TMEM132D: variants seen among roughly 807,000 people sequenced by gnomAD.
The protein encoded by TMEM132D is mature OL transmembrane protein.
A neutral mutation model predicts 62.3 loss-of-function variants in TMEM132D; 21 were observed. That is an observed-to-expected ratio of 0.34 (90% confidence interval 0.24 to 0.49). The LOEUF (loss-of-function observed/expected upper bound fraction) is 0.49, where lower values mean the gene tolerates loss of function less well. Among genes scored for constraint, TMEM132D ranks in the 20% least tolerant of loss-of-function variants. The probability of loss-of-function intolerance (pLI) is 0.99; values close to 1 mark genes in which losing one functional copy is unlikely to be tolerated. For missense variants in TMEM132D, 1,346 were observed against 1,402.8 expected (o/e 0.96, Z 0.65); for synonymous variants, 621 against 575.6 (o/e 1.08, Z -1.13).
At chr12:129,650,082 G>T (rs922372419) in intron 2 of TMEM132D, among the ~76,000 whole-genome samples, 4 of 152,000 alleles carry the variant, frequency 2.6e-5, no homozygotes, top group African/African-American at 9.7e-5. Context: ...CTCTCTGCCC[G>T]CTCTAAGGTA....
In TMEM132D at chr12:129,699,923, A is replaced by C. The variant is rs2137225466; in HGVS notation, c.855T>G (p.Arg285=). The C allele has an allele frequency of 6.2e-7, 1 of 1,614,130 alleles. No homozygotes were observed. Among genetic ancestry groups the C allele is most frequent in the Non-Finnish European group, 8.5e-7 (1 of 1,180,014 alleles). ...AGTGGATGGCCACGCTGTTGTCCAG[A>C]CGCAGTTCTCTCAGGGAGGGTTTCC... ...THRKPSLREL[R]LDNSVAIHYI... is the part of the protein sequence containing the mutation. Residue 285 remains arginine, a synonymous_variant, in exon 2 of 9, where the codon CGT becomes CGG. Coordinates refer to ENST00000422113, the MANE Select transcript of TMEM132D (RefSeq NM_133448.3).
At chr12:129,635,084 A>G (rs1164256822) in intron 2 of TMEM132D, among the ~76,000 whole-genome samples, 1 of 152,246 alleles carries the variant, frequency 6.6e-6, no homozygotes, top group Non-Finnish European at 1.5e-5. Flanking sequence ...TCTACATAAT[A>G]AACATGATCA....
chr12:129,645,788 C>T (rs746867415), intron 2 of TMEM132D, among the ~76,000 whole-genome samples: 1 of 152,112 alleles, frequency 6.6e-6, no homozygotes, highest in Admixed American at 6.5e-5. Context: ...CTCTGGTTAC[C>T]CTTGCTGCTC....
chr12:129,437,174 A>G (rs1316933743), intron 3 of TMEM132D, among the ~76,000 whole-genome samples: 2 of 152,128 alleles, frequency 1.3e-5, no homozygotes, highest in African/African-American at 2.4e-5. Context: ...CATGGATGAT[A>G]AGGTCCTTTG....
Position 129,149,603 on chromosome 12 carries a change from G to A in TMEM132D, c.1443+59917C>T, listed in dbSNP as rs74341903. 4.8e-3 allele frequency among the ~76,000 whole-genome samples: 738 copies of A among 152,298 alleles called. 5 individuals are homozygous for A. Among genetic ancestry groups the A allele is most frequent in the African/African-American group, 0.016 (664 of 41,556 alleles). On this transcript the variant is annotated intron_variant, in intron 5 of 8. Coordinates refer to ENST00000422113, the MANE Select transcript of TMEM132D (RefSeq NM_133448.3). ...GGCACCTCTCAGGGCACTGGGGACC[G>A]TGTAGATTTGCTGACTTTGATAATA...
intron 3 of TMEM132D, among the ~76,000 whole-genome samples, chr12:129,408,626 A>G (rs2135704479): frequency 6.6e-6 from 1 of 151,608 alleles, no homozygotes; most frequent in South Asian, 2.1e-4. Flanking sequence ...GCTATTCAGA[A>G]AAAAAAAATG....
intron 4 of TMEM132D, among the ~76,000 whole-genome samples, chr12:129,324,160 T>C (rs1868817894): frequency 6.6e-6 from 1 of 152,154 alleles, no homozygotes; most frequent in Admixed American, 6.5e-5. Flanking sequence ...GGTGATACTG[T>C]CCCCATGGTT....
chr12:129,153,025 T>C (rs934958802), intron 5 of TMEM132D, among the ~76,000 whole-genome samples: 3 of 152,198 alleles, frequency 2.0e-5, no homozygotes, highest in African/African-American at 7.2e-5. Flanking sequence ...CTCCTCCCTT[T>C]GTCTTTGCAG....
At position 129,583,097 on chromosome 12, in the gene TMEM132D, T is replaced by C. The variant is rs1032202468; in HGVS notation, c.969-51892A>G. ...TGCTGGGATTACAGGCGTGAGCCACTGTGCCCAGCCCTGAGACTCATTTTG... is the reference window on the plus strand; with the variant it reads ...TGCTGGGATTACAGGCGTGAGCCACCGTGCCCAGCCCTGAGACTCATTTTG... On this transcript the variant is annotated intron_variant, in intron 2 of 8. Coordinates refer to ENST00000422113, the MANE Select transcript of TMEM132D (RefSeq NM_133448.3). Among the ~76,000 whole-genome samples, 9 of 152,304 alleles carry C rather than the reference T, an allele frequency of 5.9e-5. No homozygotes were observed. In the South Asian group the frequency reaches 1.2e-3, roughly 21 times the overall value.
chr12:129,455,518 A>G (rs563466345), intron 3 of TMEM132D, among the ~76,000 whole-genome samples: 1 of 152,382 alleles, frequency 6.6e-6, no homozygotes, highest in Admixed American at 6.5e-5. Flanking sequence ...CAAAACATAA[A>G]TAGTAGTAAA....
intron 5 of TMEM132D, among the ~76,000 whole-genome samples, chr12:129,119,738 G>A (rs889415244): frequency 2.0e-5 from 3 of 152,184 alleles, no homozygotes; most frequent in African/African-American, 7.2e-5. Context: ...GCTGTCCTTG[G>A]TTCTGGAGAT....
At chr12:129,290,082 T>C (rs1881408902) in intron 4 of TMEM132D, among the ~76,000 whole-genome samples, 1 of 152,242 alleles carries the variant, frequency 6.6e-6, no homozygotes, top group African/African-American at 2.4e-5. Context: ...TTGTGTAACA[T>C]GTTAACATTT....
In TMEM132D at chr12:129,877,529, G is replaced by A. The variant is rs529334539; in HGVS notation, c.79+25732C>T. On this transcript the variant is annotated intron_variant, in intron 1 of 8. Coordinates refer to ENST00000422113, the MANE Select transcript of TMEM132D (RefSeq NM_133448.3). ...TCATCTGGCTTCCCACAGTCAGCCTGCAAACAGACATGGGTCAGAACAGCA... is the reference window on the plus strand; with the variant it reads ...TCATCTGGCTTCCCACAGTCAGCCTACAAACAGACATGGGTCAGAACAGCA... Among the ~76,000 whole-genome samples the A allele has an allele frequency of 3.2e-4, 48 of 152,256 alleles. 1 individual carries two copies. Among genetic ancestry groups the A allele is most frequent in the African/African-American group, 1.1e-3 (47 of 41,564 alleles).
intron 2 of TMEM132D, among the ~76,000 whole-genome samples, chr12:129,669,824 T>C (rs1400507813): frequency 1.3e-5 from 2 of 152,216 alleles, no homozygotes; most frequent in East Asian, 3.8e-4. Flanking sequence ...ACTACATTAT[T>C]TACAACCGTG....
chr12:129,167,258 G>T (rs1014490559), intron 5 of TMEM132D, among the ~76,000 whole-genome samples: 2 of 152,016 alleles, frequency 1.3e-5, no homozygotes, highest in Admixed American at 6.6e-5. Flanking sequence ...AGACGAGGAG[G>T]CCTCACCATC....
At position 129,527,984 on chromosome 12, in the gene TMEM132D, GACTTA is replaced by G. The variant is rs527291942; in HGVS notation, c.1115+3070_1115+3074del. On this transcript the variant is annotated intron_variant, in intron 3 of 8. Transcript: ENST00000422113. The stretch of plus-strand genomic sequence containing the variant: ...TACACAAAATTAAACCTGTCACAGT[GACTTA>G]ACTTCATTAACACAACTTCCTGATC... 2.2e-3 allele frequency among the ~76,000 whole-genome samples: 337 copies of G among 152,292 alleles called. 3 individuals carry two copies. Among genetic ancestry groups the G allele is most frequent in the Non-Finnish European group, 3.5e-3 (238 of 68,024 alleles).
chr12:129,883,879 A>C (rs182198505), intron 1 of TMEM132D, among the ~76,000 whole-genome samples: 3 of 152,316 alleles, frequency 2.0e-5, no homozygotes, highest in Non-Finnish European at 4.4e-5. Flanking sequence ...ACCCCACCAT[A>C]CACAAAAATT....
At chr12:129,400,341 G>A (rs1871583280) in intron 3 of TMEM132D, among the ~76,000 whole-genome samples, 1 of 152,136 alleles carries the variant, frequency 6.6e-6, no homozygotes, top group Admixed American at 6.6e-5. Context: ...GCCTGCCAGT[G>A]GGTTTACAGC....
chr12:129,160,907 G>A (rs748211614), intron 5 of TMEM132D, among the ~76,000 whole-genome samples: 9 of 152,148 alleles, frequency 5.9e-5, no homozygotes, highest in Non-Finnish European at 1.2e-4. Context: ...CAGGCCAAGA[G>A]CTGAGGGAGA....
Sources: gnomAD v4.1 joint callset for allele counts (sites outside exome capture counted in the v4.1 genomes callset) on GRCh38, gnomAD v4.1.1 for gene constraint, MANE v1.5 for transcripts, NCBI Gene and HGNC (gene_info 2026-07-23, HGNC 2026-07-21) for gene names.